KCNAB1: variants seen among roughly 807,000 people sequenced by gnomAD.
KCNAB1 encodes potassium voltage-gated channel subfamily A regulatory beta subunit 1, also known as voltage-gated potassium channel subunit beta-1.
A neutral mutation model predicts 64.6 loss-of-function variants in KCNAB1; 35 were observed. The ratio of observed to expected loss-of-function variants is 0.54; its 90% CI spans 0.41 to 0.72. The LOEUF is 0.72. Among genes scored for constraint, KCNAB1 ranks in the 30% least tolerant of loss-of-function variants. The pLI is 0.00. For missense variants in KCNAB1, 401 were observed against 512.9 expected (o/e 0.78, Z 2.11); for synonymous variants, 177 against 183.8 (o/e 0.96, Z 0.30).
intron 1 of KCNAB1, among the ~76,000 whole-genome samples, chr3:156,374,593 C>T (rs1462835054): frequency 7.4e-6 from 1 of 135,358 alleles, no homozygotes; most frequent in Non-Finnish European, 1.5e-5. Context: ...GAAATTGCAG[C>T]GGAAATAGCA....
intron 2 of KCNAB1, among the ~76,000 whole-genome samples, chr3:156,447,431 C>T (rs889823056): frequency 1.1e-4 from 16 of 151,982 alleles, no homozygotes; most frequent in African/African-American, 2.7e-4. Context: ...ACCTGGCACA[C>T]GGTAGACTCA....
At chr3:156,145,587 G>T (rs545098522) in intron 1 of KCNAB1, among the ~76,000 whole-genome samples, 75 of 152,182 alleles carry the variant, frequency 4.9e-4, no homozygotes, top group Admixed American at 2.8e-3. Context: ...AAGAGGGTGG[G>T]CAGGGGACCA....
At chr3:156,522,508 G>A (rs1718016869) in intron 11 of KCNAB1, among the ~76,000 whole-genome samples, 1 of 152,192 alleles carries the variant, frequency 6.6e-6, no homozygotes, top group Admixed American at 6.5e-5. Flanking sequence ...GCTTCTCAGA[G>A]CTAAGGCTGG....
chr3:156,171,519 G>A (rs4234311), intron 1 of KCNAB1, among the ~76,000 whole-genome samples: 90,062 of 151,938 alleles, frequency 0.59, 27,440 homozygotes, highest in East Asian at 0.93. Flanking sequence ...TCATTTAGTG[G>A]CAATATGTAC....
intron 1 of KCNAB1, among the ~76,000 whole-genome samples, chr3:156,326,431 C>T (rs771754557): frequency 1.3e-5 from 2 of 152,062 alleles, no homozygotes; most frequent in Non-Finnish European, 2.9e-5. Flanking sequence ...GGGAGGTGCC[C>T]ACTCTGATCC....
At chr3:156,433,981 C>G (rs912563273) in intron 2 of KCNAB1, among the ~76,000 whole-genome samples, 1 of 152,130 alleles carries the variant, frequency 6.6e-6, no homozygotes, top group African/African-American at 2.4e-5. Flanking sequence ...TGGCATGGCT[C>G]TGGGGGAACA....
chr3:156,534,311 G>A (rs956692035), intron 13 of KCNAB1, among the ~76,000 whole-genome samples: 3 of 152,196 alleles, frequency 2.0e-5, no homozygotes, highest in African/African-American at 7.2e-5. Context: ...GTGCAGGAAC[G>A]AAGGGGCGTA....
chr3:156,525,519 TTTG>T (rs1178315832), intron 12 of KCNAB1, among the ~76,000 whole-genome samples: 1 of 152,254 alleles, frequency 6.6e-6, no homozygotes, highest in East Asian at 1.9e-4. Flanking sequence ...TTTTTGTTTG[TTTG>T]TTTTTTGTTT....
Position 156,537,022 on chromosome 3 carries a change from T to C in KCNAB1, c.*275T>C, listed in dbSNP as rs1463670885. ...TCATGCTTATGCAATGGGAAGAATATGGGGGCCAGGGGGTGTGGTACTACC... is the reference window on the plus strand; with the variant it reads ...TCATGCTTATGCAATGGGAAGAATACGGGGGCCAGGGGGTGTGGTACTACC... On this transcript the variant is annotated 3_prime_UTR_variant, in exon 14 of 14. Transcript: ENST00000490337. The C allele has an allele frequency of 6.3e-6, 3 of 477,704 alleles. No homozygotes were observed. The highest frequency in any genetic ancestry group is 3.9e-5 in the African/African-American group (2 of 50,928). 29.6% of individuals were successfully genotyped at this position (477,704 alleles called of 1,614,324 possible).
intron 1 of KCNAB1, among the ~76,000 whole-genome samples, chr3:156,133,940 G>A (rs1714145992): frequency 6.6e-6 from 1 of 151,708 alleles, no homozygotes; most frequent in South Asian, 2.1e-4. Flanking sequence ...CCACCAAATT[G>A]CTATTAACTG....
intron 8 of KCNAB1, among the ~76,000 whole-genome samples, chr3:156,476,090 A>C (rs1458898223): frequency 6.6e-6 from 1 of 152,182 alleles, no homozygotes; most frequent in Non-Finnish European, 1.5e-5. Flanking sequence ...GCATTTTATT[A>C]GTATAAGAAG....
intron 1 of KCNAB1, among the ~76,000 whole-genome samples, chr3:156,368,367 G>C (rs1560220774): frequency 6.6e-6 from 1 of 152,094 alleles, no homozygotes; most frequent in Non-Finnish European, 1.5e-5. Context: ...CGTTCAAAGG[G>C]GATGATGAGC....
intron 1 of KCNAB1, among the ~76,000 whole-genome samples, chr3:156,132,501 C>G (rs899305266): frequency 7.2e-5 from 11 of 152,268 alleles, no homozygotes; most frequent in African/African-American, 2.6e-4. Flanking sequence ...GTTATTCCTC[C>G]CCCATTCCAT....
At chr3:156,219,999 G>C (rs992164807) in intron 1 of KCNAB1, among the ~76,000 whole-genome samples, 2 of 151,796 alleles carry the variant, frequency 1.3e-5, no homozygotes, top group Admixed American at 6.6e-5. Context: ...TAGTTTGCTT[G>C]GAATGATGGT....
In KCNAB1 at chr3:156,273,785, A is replaced by T. The variant is rs1293982902; in HGVS notation, c.276-147831A>T. The stretch of plus-strand genomic sequence containing the variant: ...GGGAGGATGATCAATGGAGGCTTCT[A>T]TTCAGCTATCTTGCTCCACCTCCTC... On this transcript the variant is annotated intron_variant, in intron 1 of 13. Transcript: ENST00000490337. 2.0e-5 allele frequency: 8 copies of T among 395,712 alleles called. No individual in the cohort carries two copies. In the East Asian group the frequency reaches 5.1e-4, roughly 25 times the overall value. 24.5% of individuals were successfully genotyped at this position (395,712 alleles called of 1,614,324 possible).
chr3:156,333,976 G>A (rs1040293090), intron 1 of KCNAB1, among the ~76,000 whole-genome samples: 1 of 152,082 alleles, frequency 6.6e-6, no homozygotes, highest in Middle Eastern at 3.4e-3. Flanking sequence ...TAGATATCAG[G>A]CAGAAAACAA....
intron 1 of KCNAB1, among the ~76,000 whole-genome samples, chr3:156,237,811 G>T (rs974459195): frequency 6.6e-6 from 1 of 151,910 alleles, no homozygotes. Flanking sequence ...TTTTACCTCC[G>T]ATGTGACTTT....
intron 1 of KCNAB1, among the ~76,000 whole-genome samples, chr3:156,170,164 T>C (rs1423270329): frequency 1.3e-5 from 2 of 151,822 alleles, no homozygotes; most frequent in African/African-American, 4.8e-5. Context: ...AATTGAACAA[T>C]TGGTTCCTAT....
chr3:156,223,826 A>C (rs986475267), intron 1 of KCNAB1, among the ~76,000 whole-genome samples: 1 of 152,302 alleles, frequency 6.6e-6, no homozygotes, highest in East Asian at 1.9e-4. Flanking sequence ...TCCCCACCAG[A>C]CTCAGGAGCC....
Sources: gnomAD v4.1 joint callset for allele counts (sites outside exome capture counted in the v4.1 genomes callset) on GRCh38, gnomAD v4.1.1 for gene constraint, MANE v1.5 for transcripts, NCBI Gene and HGNC (gene_info 2026-07-23, HGNC 2026-07-21) for gene names.